GABRG3: variants seen among roughly 807,000 people sequenced by gnomAD.
GABRG3 encodes gamma-aminobutyric acid receptor subunit gamma-3.
GABRG3 carries 25 observed loss-of-function variants against 48.8 expected under a neutral mutation model. The ratio of observed to expected loss-of-function variants is 0.51; its 90% CI spans 0.37 to 0.72. GABRG3 has a LOEUF of 0.72. Ranked by LOEUF, GABRG3 falls within the 30% of genes least tolerant of loss-of-function variation. The pLI is 0.00. For synonymous variants in GABRG3, 227 were observed against 217.6 expected, an observed-to-expected ratio of 1.04 and a Z score of -0.38; for missense variants, 394 against 577.9, an observed-to-expected ratio of 0.68 and a Z score of 3.26.
At chr15:27,087,844 ATG>A (rs1039121653) in intron 3 of GABRG3, among the ~76,000 whole-genome samples, 1 of 145,380 alleles carries the variant, frequency 6.9e-6, no homozygotes, top group Non-Finnish European at 1.5e-5. Context: ...GTGCATGTGT[ATG>A]TGTGTGTAAT....
At chr15:27,387,312 A>ATT (rs1345508337) in intron 5 of GABRG3, among the ~76,000 whole-genome samples, 1 of 152,034 alleles carries the variant, frequency 6.6e-6, no homozygotes, top group Non-Finnish European at 1.5e-5. Flanking sequence ...TGAGTATGAA[A>ATT]TTATGAGACT....
intron 3 of GABRG3, among the ~76,000 whole-genome samples, chr15:27,210,081 G>C (rs898899798): frequency 3.3e-5 from 5 of 152,146 alleles, no homozygotes; most frequent in African/African-American, 1.2e-4. Flanking sequence ...TATGAATTTG[G>C]GGGGACACAG....
chr15:27,125,449 T>C (rs1199100427), intron 3 of GABRG3, among the ~76,000 whole-genome samples: 1 of 152,180 alleles, frequency 6.6e-6, no homozygotes, highest in East Asian at 1.9e-4. Context: ...AGCAGTAATT[T>C]ATTGCATATT....
intron 3 of GABRG3, among the ~76,000 whole-genome samples, chr15:27,074,148 T>C (rs1896871425): frequency 6.6e-6 from 1 of 152,036 alleles, no homozygotes; most frequent in African/African-American, 2.4e-5. Context: ...GAGAACAGTA[T>C]TGAGGAAACC....
intron 6 of GABRG3, among the ~76,000 whole-genome samples, chr15:27,486,355 C>T (rs939778599): frequency 1.3e-5 from 2 of 152,146 alleles, no homozygotes; most frequent in African/African-American, 2.4e-5. Context: ...AGGCTGCTCT[C>T]GCATGGCTAT....
rs547302036 is a variant in GABRG3, at chr15:27,500,680, G to A, written c.713-19292G>A. On this transcript the variant is annotated intron_variant, in intron 6 of 9. Coordinates refer to ENST00000615808, the MANE Select transcript of GABRG3 (RefSeq NM_033223.5). The stretch of plus-strand genomic sequence containing the variant: ...TAAAAATGTATCCAGCCTACTCCAT[G>A]TTCTCATTTATTTTTATTTTAGGAT... Among the ~76,000 whole-genome samples, 31 of 152,196 alleles carry A rather than the reference G, an allele frequency of 2.0e-4. No homozygotes were observed. In the South Asian group the frequency reaches 6.4e-3, roughly 32 times the overall value.
At position 27,171,523 on chromosome 15, in the gene GABRG3, T is replaced by TATATAC. The variant is rs751842058; in HGVS notation, c.270+144703_270+144704insTATACA. On this transcript the variant is annotated intron_variant, in intron 3 of 9. Transcript: ENST00000615808. ...CATGTCTAACATATATATATATATA[T>TATATAC]ACATATACAGATGTATACACATGTA... Among the ~76,000 whole-genome samples the TATATAC allele has an allele frequency of 4.4e-3, 640 of 147,076 alleles. 6 individuals carry two copies. Among genetic ancestry groups the TATATAC allele is most frequent in the African/African-American group, 0.016 (623 of 39,730 alleles).
chr15:26,977,743 G>A (rs1039321099), intron 2 of GABRG3, among the ~76,000 whole-genome samples: 12 of 152,048 alleles, frequency 7.9e-5, no homozygotes, highest in Non-Finnish European at 1.3e-4. Flanking sequence ...CATTTTGATT[G>A]TTTCCTGTTT....
chr15:27,406,611 C>T (rs938589883), intron 5 of GABRG3, among the ~76,000 whole-genome samples: 3 of 152,174 alleles, frequency 2.0e-5, no homozygotes, highest in African/African-American at 4.8e-5. Flanking sequence ...TCCTCAAAAC[C>T]GTCCAGGTCG....
intron 5 of GABRG3, among the ~76,000 whole-genome samples, chr15:27,361,468 A>G (rs1895021736): frequency 2.0e-5 from 3 of 152,298 alleles, no homozygotes; most frequent in Middle Eastern, 3.4e-3. Context: ...ATTCCAGAGG[A>G]CAGCATGAAA....
intron 6 of GABRG3, among the ~76,000 whole-genome samples, chr15:27,502,595 G>T (rs567217470): frequency 6.6e-6 from 1 of 152,092 alleles, no homozygotes; most frequent in Non-Finnish European, 1.5e-5. Flanking sequence ...AAGGTTGAGG[G>T]CTCTGTCCTT....
At chr15:27,201,375 A>T (rs911485268) in intron 3 of GABRG3, among the ~76,000 whole-genome samples, 60 of 144,484 alleles carry the variant, frequency 4.2e-4, no homozygotes, top group African/African-American at 1.6e-3. Flanking sequence ...TGTGTGTGAG[A>T]GAGAAAGAGA....
chr15:27,367,706 TC>T (rs1046066488), intron 5 of GABRG3, among the ~76,000 whole-genome samples: 1 of 152,208 alleles, frequency 6.6e-6, no homozygotes, highest in African/African-American at 2.4e-5. Context: ...TGGTGACTTT[TC>T]TAAACTTTAT....
intron 3 of GABRG3, among the ~76,000 whole-genome samples, chr15:27,109,602 C>A (rs983460756): frequency 7.2e-5 from 11 of 152,178 alleles, no homozygotes; most frequent in Admixed American, 7.2e-4. Context: ...GTTTTCTCAG[C>A]CGGGCGCAGT....
In GABRG3 at chr15:27,319,185, T is replaced by G. The variant is rs573128590; in HGVS notation, c.271-7624T>G. ...CATCATGCATCTTGAACATAGAGAATTTTTATTTGTCAATTCTAGCTCAGT... is the reference window on the plus strand; with the variant it reads ...CATCATGCATCTTGAACATAGAGAAGTTTTATTTGTCAATTCTAGCTCAGT... On this transcript the variant is annotated intron_variant, in intron 3 of 9. Coordinates refer to ENST00000615808, the MANE Select transcript of GABRG3 (RefSeq NM_033223.5). The surrounding 1 kb of genome is among the most constrained non-coding windows in gnomAD (Gnocchi z 4.4). Among the ~76,000 whole-genome samples the G allele has an allele frequency of 7.2e-5, 11 of 152,294 alleles. No homozygotes were observed. Among genetic ancestry groups the G allele is most frequent in the African/African-American group, 2.6e-4 (11 of 41,564 alleles).
intron 5 of GABRG3, among the ~76,000 whole-genome samples, chr15:27,472,109 A>C (rs1171457134): frequency 6.6e-6 from 1 of 152,150 alleles, no homozygotes; most frequent in Non-Finnish European, 1.5e-5. Flanking sequence ...ACATTTTTTT[A>C]ATCTATGTTT....
intron 6 of GABRG3, among the ~76,000 whole-genome samples, chr15:27,513,980 A>C (rs984556951): frequency 2.6e-5 from 4 of 152,262 alleles, no homozygotes; most frequent in African/African-American, 9.6e-5. Flanking sequence ...CTAAAACTTC[A>C]TGATGACAAA....
At chr15:26,987,085 A>G (rs1041370662) in intron 2 of GABRG3, among the ~76,000 whole-genome samples, 11 of 152,302 alleles carry the variant, frequency 7.2e-5, no homozygotes, top group African/African-American at 2.6e-4. Flanking sequence ...GTGAAACCCC[A>G]TCTCTACTAA....
chr15:27,335,353 C>T (rs959398001), intron 5 of GABRG3, among the ~76,000 whole-genome samples: 1 of 152,192 alleles, frequency 6.6e-6, no homozygotes, highest in Non-Finnish European at 1.5e-5. Context: ...TACATTTTCA[C>T]CAGCAATGCA....
Sources: gnomAD v4.1 joint callset for allele counts (sites outside exome capture counted in the v4.1 genomes callset) on GRCh38, gnomAD v4.1.1 for gene constraint, Gnocchi (gnomAD v3.1) non-coding constraint, MANE v1.5 for transcripts, NCBI Gene and HGNC (gene_info 2026-07-23, HGNC 2026-07-21) for gene names.